The following PRKCE variants were observed in gnomAD, a reference collection of about 807,000 sequenced individuals.
PRKCE encodes protein kinase C epsilon type.
A neutral mutation model predicts 85.4 loss-of-function variants in PRKCE; 16 were observed. The ratio of observed to expected loss-of-function variants is 0.19; its 90% CI spans 0.13 to 0.28. The LOEUF is 0.28. Among genes scored for constraint, PRKCE ranks in the 10% least tolerant of loss-of-function variants. PRKCE has a pLI of 1.00. For missense variants in PRKCE, 573 were observed against 975.2 expected (o/e 0.59, Z 5.49); for synonymous variants, 388 against 371.5 (o/e 1.04, Z -0.51).
intron 10 of PRKCE, among the ~76,000 whole-genome samples, chr2:46,021,212 G>T (rs371334468): frequency 3.9e-5 from 6 of 152,172 alleles, no homozygotes; most frequent in African/African-American, 1.2e-4. Flanking sequence ...CTAGGAAGCC[G>T]TGAGGAAGAC....
In PRKCE at chr2:45,775,377, T is replaced by C. The variant is rs377366047; in HGVS notation, c.349-67623T>C. On this transcript the variant is annotated intron_variant, in intron 1 of 14. Transcript: ENST00000306156. ...CACGCAGTCCGCCCGTTCTCATGCT[T>C]CATGCAGTGCTCACAGCATTTGAGG... Among the ~76,000 whole-genome samples the C allele has an allele frequency of 2.4e-4, 37 of 152,342 alleles. 1 individual carries two copies. In the East Asian group the frequency reaches 6.4e-3, roughly 26 times the overall value.
chr2:45,784,566 C>T (rs1419729146), intron 1 of PRKCE, among the ~76,000 whole-genome samples: 1 of 151,760 alleles, frequency 6.6e-6, no homozygotes, highest in Non-Finnish European at 1.5e-5. Context: ...GATCTCATCC[C>T]ATTAGAGGGT....
chr2:45,925,421 C>A (rs542767382), intron 2 of PRKCE, among the ~76,000 whole-genome samples: 1 of 152,082 alleles, frequency 6.6e-6, no homozygotes. Context: ...CTCAGCCTCC[C>A]GAGTAGCTGG....
intron 1 of PRKCE, among the ~76,000 whole-genome samples, chr2:45,728,644 A>C (rs1681292927): frequency 6.6e-6 from 1 of 152,094 alleles, no homozygotes; most frequent in South Asian, 2.1e-4. Flanking sequence ...CCCTTGTTTT[A>C]CAGATGGGGA....
intron 10 of PRKCE, among the ~76,000 whole-genome samples, chr2:46,036,746 T>C (rs1475877400): frequency 1.3e-5 from 2 of 152,074 alleles, no homozygotes; most frequent in Admixed American, 1.3e-4. Flanking sequence ...CTTGAGCTGA[T>C]GAGAAGGACA....
At chr2:45,703,706 A>G (rs1236682839) in intron 1 of PRKCE, among the ~76,000 whole-genome samples, 1 of 152,192 alleles carries the variant, frequency 6.6e-6, no homozygotes. Flanking sequence ...CTAAATAGAC[A>G]TCATCATTTG....
chr2:45,726,630 A>T (rs1377220883), intron 1 of PRKCE, among the ~76,000 whole-genome samples: 11 of 152,226 alleles, frequency 7.2e-5, no homozygotes, highest in Admixed American at 7.2e-4. Flanking sequence ...AAATATTTTT[A>T]TGACTTGCTT....
rs1418481736 is a variant in PRKCE, at chr2:46,129,199, G to T, written c.1593-15894G>T. Among the ~76,000 whole-genome samples the T allele has an allele frequency of 2.0e-5, 3 of 152,156 alleles. No individual in the cohort carries two copies. In the East Asian group the frequency reaches 5.8e-4, roughly 29 times the overall value. Reference sequence around the variant, plus strand: ...CTCCACATGAGGCGCACTAGTAAAGGCTCATCAGCACCGTCAGTGAGCACA... The same window carrying T: ...CTCCACATGAGGCGCACTAGTAAAGTCTCATCAGCACCGTCAGTGAGCACA... On this transcript the variant is annotated intron_variant, in intron 11 of 14. Coordinates refer to ENST00000306156, the MANE Select transcript of PRKCE (RefSeq NM_005400.3).
intron 2 of PRKCE, among the ~76,000 whole-genome samples, chr2:45,884,982 TATATATATATATA>T (rs1695160755): frequency 6.9e-5 from 5 of 72,228 alleles, no homozygotes; most frequent in Non-Finnish European, 9.0e-5. Context: ...TATATATATA[TATATATATATATA>T]TATATATTTG....
chr2:45,844,981 T>A (rs751812367), intron 2 of PRKCE, among the ~76,000 whole-genome samples: 3 of 152,174 alleles, frequency 2.0e-5, no homozygotes, highest in Non-Finnish European at 4.4e-5. Context: ...AAATAGAGTT[T>A]ACTTTAGAAA....
chr2:46,032,031 G>A (rs1322096149), intron 10 of PRKCE, among the ~76,000 whole-genome samples: 1 of 152,198 alleles, frequency 6.6e-6, no homozygotes, highest in African/African-American at 2.4e-5. Flanking sequence ...CAATGCCAGT[G>A]AATCCTGGTG....
intron 1 of PRKCE, among the ~76,000 whole-genome samples, chr2:45,757,977 C>A (rs757924618): frequency 2.0e-5 from 3 of 151,996 alleles, no homozygotes; most frequent in Non-Finnish European, 4.4e-5. Context: ...ACTTCAATGA[C>A]TGGGGACAAT....
chr2:46,076,428 G>T (rs923008872), intron 10 of PRKCE, among the ~76,000 whole-genome samples: 1 of 152,166 alleles, frequency 6.6e-6, no homozygotes, highest in African/African-American at 2.4e-5. Context: ...AGTGGGACAG[G>T]GTGGCGGTAA....
chr2:45,876,599 G>A (rs1694504610), intron 2 of PRKCE, among the ~76,000 whole-genome samples: 2 of 152,052 alleles, frequency 1.3e-5, no homozygotes, highest in African/African-American at 4.8e-5. Flanking sequence ...GCTTGATTTG[G>A]GCTATATTTC....
chr2:46,144,789 A>T (rs1220949489), intron 11 of PRKCE, among the ~76,000 whole-genome samples: 1 of 152,182 alleles, frequency 6.6e-6, no homozygotes, highest in Non-Finnish European at 1.5e-5. Context: ...CATTAATATG[A>T]ATGTGGGTGC....
intron 2 of PRKCE, among the ~76,000 whole-genome samples, chr2:45,884,909 A>G (rs1695131905): frequency 6.8e-6 from 1 of 147,698 alleles, no homozygotes; most frequent in Non-Finnish European, 1.5e-5. Context: ...GGACACAGAC[A>G]CATGTCTGAT....
chr2:45,815,104 G>T (rs1289425042), intron 1 of PRKCE, among the ~76,000 whole-genome samples: 1 of 152,086 alleles, frequency 6.6e-6, no homozygotes, highest in Admixed American at 6.5e-5. Context: ...TTACCCTGTG[G>T]CATAATTTAG....
At chr2:45,940,150 G>T (rs776628050) in intron 2 of PRKCE, among the ~76,000 whole-genome samples, 2 of 152,174 alleles carry the variant, frequency 1.3e-5, no homozygotes, top group Non-Finnish European at 2.9e-5. Flanking sequence ...GCTTCCCTCA[G>T]ACCTCTTTTC....
chr2:45,957,903 G>A (rs1186164859), intron 2 of PRKCE, among the ~76,000 whole-genome samples: 5 of 148,138 alleles, frequency 3.4e-5, no homozygotes, highest in East Asian at 2.0e-4. Context: ...GCAACAGAGC[G>A]AGACTGTGTC....
Sources: gnomAD v4.1 joint callset for allele counts (sites outside exome capture counted in the v4.1 genomes callset) on GRCh38, gnomAD v4.1.1 for gene constraint, MANE v1.5 for transcripts, NCBI Gene and HGNC (gene_info 2026-07-23, HGNC 2026-07-21) for gene names.